DAPK1: variants seen among roughly 807,000 people sequenced by gnomAD.
DAPK1 encodes the protein death associated protein kinase 1.
DAPK1 carries 56 observed loss-of-function variants against 144.9 expected under a neutral mutation model. That is an observed-to-expected ratio of 0.39 (90% CI 0.31 to 0.48). DAPK1 has a LOEUF of 0.48. Ranked by LOEUF, DAPK1 falls within the 20% of genes least tolerant of loss-of-function variation. DAPK1 has a pLI of 0.95. For missense variants in DAPK1, 1,454 were observed against 1,875.4 expected (o/e 0.78, Z 4.15); for synonymous variants, 690 against 749.0 (o/e 0.92, Z 1.29).
intron 3 of DAPK1, among the ~76,000 whole-genome samples, chr9:87,629,731 C>T (rs957992327): frequency 6.6e-6 from 1 of 152,154 alleles, no homozygotes; most frequent in Non-Finnish European, 1.5e-5. Context: ...TTCAGTTCCT[C>T]TATCATAGTC....
At chr9:87,547,113 G>C (rs888337) in intron 2 of DAPK1, among the ~76,000 whole-genome samples, 134,723 of 152,254 alleles carry the variant, frequency 0.88, 59,852 homozygotes, top group African/African-American at 0.96. Context: ...GCCAAGAGCA[G>C]ACCACTGCAC....
Position 87,686,751 on chromosome 9 carries a change from CT to C in DAPK1, c.2413+13del. ...CGCTTATTTGAATGGTATGCCCTGC[CT>C]GCCCCAAGGGAAGGACCTCAGGTTT... On this transcript the variant is annotated intron_variant, in intron 21 of 25. Coordinates refer to ENST00000408954, the MANE Select transcript of DAPK1 (RefSeq NM_004938.4). The surrounding 1 kb of genome is among the most constrained non-coding windows in gnomAD (Gnocchi z 4.2). 1 of 1,594,198 alleles carries C rather than the reference CT, an allele frequency of 6.3e-7. No homozygotes were observed. Among genetic ancestry groups the C allele is most frequent in the Non-Finnish European group, 8.6e-7 (1 of 1,163,448 alleles).
intron 17 of DAPK1, chr9:87,657,649 C>A (rs1830674904): frequency 3.9e-6 from 1 of 257,622 alleles, no homozygotes; most frequent in African/African-American, 2.3e-5. Flanking sequence ...CTGGTATTTT[C>A]ACTAATTAGG....
Position 87,649,913 on chromosome 9 carries a change from T to G in DAPK1, c.1429-8T>G, listed in dbSNP as rs1445814062. Reference sequence around the variant, plus strand: ...TCTCCTCCTCTCTGTACTCGTCTCCTTGGCCAGGAAGAAGAAACCCCCCTG... The same window carrying G: ...TCTCCTCCTCTCTGTACTCGTCTCCGTGGCCAGGAAGAAGAAACCCCCCTG... On this transcript the variant is annotated splice_region_variant and splice_polypyrimidine_tract_variant and intron_variant, in intron 15 of 25. Coordinates refer to ENST00000408954, the MANE Select transcript of DAPK1 (RefSeq NM_004938.4). 6.2e-7 allele frequency: 1 copy of G among 1,613,962 alleles called. No individual in the cohort carries two copies. The highest frequency in any genetic ancestry group is 1.3e-5 in the African/African-American group (1 of 74,940).
intron 2 of DAPK1, among the ~76,000 whole-genome samples, chr9:87,529,421 T>C (rs1475703074): frequency 6.6e-6 from 1 of 152,188 alleles, no homozygotes; most frequent in Non-Finnish European, 1.5e-5. Context: ...ATCTTACTAA[T>C]TTATCTTTTA....
chr9:87,650,251 C>A, intron 16 of DAPK1, 133 bp downstream of exon 16: 2 of 809,926 alleles, frequency 2.5e-6, no homozygotes. Flanking sequence ...CGTCTCTTCT[C>A]TGTTCCAAAG....
intron 2 of DAPK1, among the ~76,000 whole-genome samples, chr9:87,548,444 TG>T (rs1826344048): frequency 6.6e-6 from 1 of 152,216 alleles, no homozygotes; most frequent in African/African-American, 2.4e-5. Flanking sequence ...ACATTTCTCC[TG>T]TTCCTGGGTC....
At chr9:87,617,506 C>T (rs756192329) in intron 3 of DAPK1, among the ~76,000 whole-genome samples, 3 of 152,178 alleles carry the variant, frequency 2.0e-5, no homozygotes, top group African/African-American at 7.2e-5. Context: ...GGAGACAGGA[C>T]GCAATCCATA....
At chr9:87,542,740 CTCAAG>C (rs1826100347) in intron 2 of DAPK1, among the ~76,000 whole-genome samples, 1 of 152,138 alleles carries the variant, frequency 6.6e-6, no homozygotes. Flanking sequence ...GAAGGGGAAA[CTCAAG>C]TCTGTCTGAG....
intron 3 of DAPK1, among the ~76,000 whole-genome samples, chr9:87,624,685 T>C (rs1282716970): frequency 6.6e-6 from 1 of 152,220 alleles, no homozygotes; most frequent in Non-Finnish European, 1.5e-5. Context: ...ACTCCTGAGT[T>C]GGCCAGAGCA....
intron 2 of DAPK1, among the ~76,000 whole-genome samples, chr9:87,524,911 GAAAT>G (rs2118284229): frequency 1.3e-5 from 2 of 152,274 alleles, no homozygotes; most frequent in Admixed American, 1.3e-4. Context: ...AAGGGGGTGA[GAAAT>G]AAAAGACTAC....
rs542233508 is a variant in DAPK1 at position 87,516,352 on chromosome 9, C to T, written c.62+17213C>T. Among the ~76,000 whole-genome samples, 5 of 152,250 alleles carry T rather than the reference C, an allele frequency of 3.3e-5. No homozygotes were observed. In the South Asian group the frequency reaches 8.3e-4, roughly 25 times the overall value. ...CGGGTTCTCCCAGCGGGCCCGTTCT[C>T]CCTGGGGTTAAGTCCAGCCGTGGCA... On this transcript the variant is annotated intron_variant, in intron 2 of 25. Transcript: ENST00000408954.
At position 87,707,014 on chromosome 9, in the gene DAPK1, C is replaced by T. The variant is rs758075481; in HGVS notation, c.3943C>T (p.Arg1315Cys). The change falls in exon 26 of 26, where the codon CGC (arginine) becomes TGC (cysteine). Residue 1315 changes from arginine (R) to cysteine (C), a missense_variant. Physicochemically the swap from Arg to Cys is radical, Grantham distance 180 (BLOSUM62 -3). Coordinates refer to ENST00000408954, the MANE Select transcript of DAPK1 (RefSeq NM_004938.4). This position sits in a 1 kb window ranked among gnomAD's most constrained non-coding sequence, Gnocchi z 4.0. ...LNLLTRRKLS[R>C]LLDPPDPLGK... ...CCTCCTCACTCGGAGGAAACTGAGT[C>T]GCCTGCTGGACCCGCCCGACCCCCT... is the stretch of plus-strand genomic sequence containing the variant. 9.3e-6 allele frequency: 15 copies of T among 1,613,404 alleles called. No individual in the cohort carries two copies. The highest frequency in any genetic ancestry group is 1.2e-5 in the Non-Finnish European group (14 of 1,179,892).
intron 23 of DAPK1, among the ~76,000 whole-genome samples, 170 bp from the exon 24 acceptor site, chr9:87,699,947 T>C (rs1006873801): frequency 3.9e-5 from 6 of 152,152 alleles, no homozygotes; most frequent in African/African-American, 1.4e-4. Context: ...CTGCACCCAC[T>C]GTGATGAGGC....
intron 14 of DAPK1, among the ~76,000 whole-genome samples, chr9:87,648,300 T>C (rs1830335332): frequency 6.6e-6 from 1 of 152,246 alleles, no homozygotes; most frequent in Non-Finnish European, 1.5e-5. Flanking sequence ...CATGGGCAAA[T>C]AGTGACATTC....
Position 87,650,022 on chromosome 9 carries a change from A to G in DAPK1, c.1530A>G (p.Glu510=). The G allele has an allele frequency of 6.2e-7, 1 of 1,614,160 alleles. No homozygotes were observed. Among genetic ancestry groups the G allele is most frequent in the Non-Finnish European group, 8.5e-7 (1 of 1,180,034 alleles). The change falls in exon 16 of 26, where the codon GAA becomes GAG. Residue 510 remains glutamate (E), a synonymous_variant. Transcript: ENST00000408954. The stretch of plus-strand genomic sequence containing the variant: ...GTAACGTGAACATCAAGAACCGAGA[A>G]GGAGAGACGCCCCTCCTGACAGCCT... The part of the protein sequence containing the change: ...AGCNVNIKNR[E]GETPLLTASA...
chr9:87,528,438 G>A (rs561113958), intron 2 of DAPK1, among the ~76,000 whole-genome samples: 6 of 152,056 alleles, frequency 3.9e-5, no homozygotes, highest in South Asian at 4.1e-4. Context: ...GGCTGGTCTC[G>A]AGCTCCTGAC....
At chr9:87,692,771 T>G (rs886924318) in intron 21 of DAPK1, among the ~76,000 whole-genome samples, 1 of 152,064 alleles carries the variant, frequency 6.6e-6, no homozygotes, top group African/African-American at 2.4e-5. Flanking sequence ...GTCTTGTTTT[T>G]GGGGAAGACT....
chr9:87,626,130 C>A (rs575451863), intron 3 of DAPK1, among the ~76,000 whole-genome samples: 10 of 152,164 alleles, frequency 6.6e-5, no homozygotes, highest in Admixed American at 1.3e-4. Flanking sequence ...TAATACCAAG[C>A]AAGGGCCATT....
Sources: gnomAD v4.1 joint callset for allele counts (sites outside exome capture counted in the v4.1 genomes callset) on GRCh38, gnomAD v4.1.1 for gene constraint, Gnocchi (gnomAD v3.1) non-coding constraint, MANE v1.5 for transcripts, NCBI Gene and HGNC (gene_info 2026-07-23, HGNC 2026-07-21) for gene names.